Variants in RORA observed in about 807,000 individuals in gnomAD.
RORA encodes RAR related orphan receptor A.
A neutral mutation model predicts 69.5 loss-of-function variants in RORA; 7 were observed. That is an observed-to-expected ratio of 0.10 (90% CI 0.06 to 0.19). RORA has a LOEUF of 0.19. Among genes scored for constraint, RORA ranks in the 10% least tolerant of loss-of-function variants. The pLI is 1.00. For synonymous variants in RORA, 261 were observed against 240.8 expected (o/e 1.08, Z -0.78); for missense variants, 457 against 663.0 (o/e 0.69, Z 3.41).
intron 1 of RORA, among the ~76,000 whole-genome samples, chr15:60,728,063 A>G (rs2071384481): frequency 6.6e-6 from 1 of 152,242 alleles, no homozygotes; most frequent in Admixed American, 6.5e-5. Context: ...CTCTGTATCA[A>G]AAGAACGAAT....
rs138979864 is a variant in RORA, at chr15:60,495,429, T to G, written c.*2026A>C. The G allele has an allele frequency of 6.6e-6, 1 of 152,250 alleles. No individual in the cohort carries two copies. The highest frequency in any genetic ancestry group is 2.4e-5 in the African/African-American group (1 of 41,470). 9.4% of individuals were successfully genotyped at this position (152,250 alleles called of 1,614,324 possible). A position where few individuals can be genotyped will look rare whatever the true frequency, so the allele number is the denominator to read the frequency against. ...TCTTACTATGTTTTTGGAAAAAAAG[T>G]TGGATGTTATTTAGGCTTCATACAC... is the stretch of plus-strand genomic sequence containing the variant. On this transcript the variant is annotated 3_prime_UTR_variant, in exon 11 of 11. Transcript: ENST00000335670.
At chr15:60,499,134 C>CA (rs1174978640) in intron 10 of RORA, among the ~76,000 whole-genome samples, 2 of 152,212 alleles carry the variant, frequency 1.3e-5, no homozygotes, top group Non-Finnish European at 2.9e-5. Context: ...ATGCAAAAGT[C>CA]ATTTACTGTT....
chr15:60,725,491 A>G (rs542134121), intron 1 of RORA, among the ~76,000 whole-genome samples: 15 of 152,342 alleles, frequency 9.8e-5, no homozygotes, highest in African/African-American at 3.4e-4. Flanking sequence ...ATGCTTTGAT[A>G]CAGGCATGCA....
chr15:60,847,784 TTAA>T (rs1287385968), intron 1 of RORA: 4 of 152,176 alleles, frequency 2.6e-5, no homozygotes, highest in Non-Finnish European at 5.9e-5. Flanking sequence ...TTTATTAAGG[TTAA>T]TTTCAGCTGT....
intron 1 of RORA, among the ~76,000 whole-genome samples, chr15:60,821,330 G>A (rs1430012007): frequency 1.3e-5 from 2 of 152,046 alleles, no homozygotes; most frequent in African/African-American, 2.4e-5. Context: ...GTTTGGATCC[G>A]GGGCTTCTAG....
chr15:60,574,145 C>T lies in RORA; in HGVS notation c.197-42294G>A, dbSNP rs573572308. 5.9e-5 allele frequency among the ~76,000 whole-genome samples: 9 copies of T among 152,300 alleles called. No individual in the cohort carries two copies. The South Asian group carries it at 1.2e-3, about 21-fold the overall frequency. ...ACAGAGCAGGGTTAGCCCAGCCCTG[C>T]GAGTCTGGCAGACTCAGCCCCCAAT... On this transcript the variant is annotated intron_variant, in intron 2 of 10. Transcript: ENST00000335670.
At chr15:60,914,936 T>C (rs1209675846) in intron 1 of RORA, among the ~76,000 whole-genome samples, 1 of 152,186 alleles carries the variant, frequency 6.6e-6, no homozygotes, top group Non-Finnish European at 1.5e-5. Context: ...TTATTGGGTA[T>C]TGGGCCAAAT....
At chr15:60,501,506 C>T (rs1315829935) in intron 8 of RORA, among the ~76,000 whole-genome samples, 4 of 152,056 alleles carry the variant, frequency 2.6e-5, no homozygotes, top group East Asian at 3.9e-4. Flanking sequence ...AAGTAATGCA[C>T]CTAAGGTCAC....
chr15:60,550,729 A>C (rs561682653), intron 2 of RORA, among the ~76,000 whole-genome samples: 3 of 152,344 alleles, frequency 2.0e-5, no homozygotes, highest in Admixed American at 6.5e-5. Flanking sequence ...CAAGGGGATG[A>C]TGAGGGAAAA....
At chr15:60,704,183 A>G (rs1329064857) in intron 1 of RORA, among the ~76,000 whole-genome samples, 1 of 152,248 alleles carries the variant, frequency 6.6e-6, no homozygotes, top group Non-Finnish European at 1.5e-5. Flanking sequence ...TCCAAGCTTC[A>G]ATAGACGAAG....
intron 1 of RORA, among the ~76,000 whole-genome samples, chr15:61,051,297 GGGCT>G (rs1897279489): frequency 6.6e-6 from 1 of 152,094 alleles, no homozygotes; most frequent in Admixed American, 6.5e-5. Context: ...CAGAAAGTAG[GGGCT>G]GGCTACCTAC....
At chr15:60,618,071 A>G (rs1238053641) in intron 2 of RORA, among the ~76,000 whole-genome samples, 1 of 152,248 alleles carries the variant, frequency 6.6e-6, no homozygotes, top group Non-Finnish European at 1.5e-5. Context: ...ACTACAGGCC[A>G]CAGATAAGGT....
chr15:61,109,028 T>C (rs2078978150), intron 1 of RORA, among the ~76,000 whole-genome samples: 1 of 152,088 alleles, frequency 6.6e-6, no homozygotes, highest in African/African-American at 2.4e-5. Flanking sequence ...AAACTCTGTC[T>C]CTACTAAAAG....
chr15:61,168,952 C>A (rs2079561828), intron 1 of RORA, among the ~76,000 whole-genome samples: 1 of 152,178 alleles, frequency 6.6e-6, no homozygotes, highest in Non-Finnish European at 1.5e-5. Flanking sequence ...AATTATTACT[C>A]ATTTCTATCC....
chr15:60,855,358 G>A (rs1047909530), intron 1 of RORA, among the ~76,000 whole-genome samples: 1 of 152,184 alleles, frequency 6.6e-6, no homozygotes, highest in African/African-American at 2.4e-5. Context: ...CATAACTTCT[G>A]ACTCACTCCC....
intron 1 of RORA, among the ~76,000 whole-genome samples, chr15:60,984,240 T>C (rs770065385): frequency 6.6e-6 from 1 of 152,100 alleles, no homozygotes; most frequent in Non-Finnish European, 1.5e-5. Context: ...GTTTTAAAAA[T>C]TACACTTTCC....
chr15:60,518,828 G>T (rs1327781103), intron 3 of RORA, among the ~76,000 whole-genome samples: 2 of 144,916 alleles, frequency 1.4e-5, no homozygotes, highest in African/African-American at 5.8e-5. Flanking sequence ...TGTGTCCCCT[G>T]TATGGTGTGG....
chr15:61,146,314 A>C (rs2079348905), intron 1 of RORA, among the ~76,000 whole-genome samples: 1 of 149,392 alleles, frequency 6.7e-6, no homozygotes, highest in South Asian at 2.1e-4. Context: ...ATCTACATGA[A>C]AAATCTACAT....
chr15:60,750,232 T>C (rs1198681744), intron 1 of RORA, among the ~76,000 whole-genome samples: 1 of 152,138 alleles, frequency 6.6e-6, no homozygotes, highest in African/African-American at 2.4e-5. Flanking sequence ...AAAGTCTGAC[T>C]CCAAAGCCTA....
Sources: gnomAD v4.1 joint callset for allele counts (sites outside exome capture counted in the v4.1 genomes callset) on GRCh38, gnomAD v4.1.1 for gene constraint, MANE v1.5 for transcripts, NCBI Gene and HGNC (gene_info 2026-07-23, HGNC 2026-07-21) for gene names.